MAGI1: variants seen among roughly 807,000 people sequenced by gnomAD.
MAGI1 encodes the protein membrane-associated guanylate kinase, WW and PDZ domain-containing protein 1.
In MAGI1, 58 loss-of-function variants were observed where a neutral mutation model predicts 139.9. That is an observed-to-expected ratio of 0.41 (90% CI 0.34 to 0.52). The LOEUF (loss-of-function observed/expected upper bound fraction) is 0.52. Ranked by LOEUF, MAGI1 falls within the 20% of genes least tolerant of loss-of-function variation. MAGI1 has a pLI of 0.12. For missense variants in MAGI1, 1,874 were observed against 1,901.6 expected, an observed-to-expected ratio of 0.99 and a Z score of 0.27; for synonymous variants, 812 against 737.9, an observed-to-expected ratio of 1.10 and a Z score of -1.63.
intron 22 of MAGI1, chr3:65,359,501 G>A: frequency 2.9e-6 from 3 of 1,042,418 alleles, no homozygotes; most frequent in Non-Finnish European, 3.5e-6. Flanking sequence ...AACAACAAAA[G>A]AACAAAATCC....
chr3:65,573,289 T>C (rs560294912), intron 2 of MAGI1, among the ~76,000 whole-genome samples: 7 of 151,972 alleles, frequency 4.6e-5, no homozygotes, highest in Admixed American at 6.6e-5. Context: ...GGAACAAAGA[T>C]GCAAAAATTC....
intron 2 of MAGI1, among the ~76,000 whole-genome samples, chr3:65,574,285 GT>G (rs1228278605): frequency 6.7e-6 from 1 of 150,082 alleles, no homozygotes; most frequent in Admixed American, 6.7e-5. Flanking sequence ...TGCCATGGGG[GT>G]TTTCTGTACA....
intron 1 of MAGI1, among the ~76,000 whole-genome samples, chr3:65,669,485 T>C (rs1044668435): frequency 3.3e-5 from 5 of 152,188 alleles, no homozygotes; most frequent in African/African-American, 1.2e-4. Flanking sequence ...CCTTTGGTCC[T>C]CCAGAAAGTC....
At chr3:65,732,074 C>T (rs935948613) in intron 1 of MAGI1, among the ~76,000 whole-genome samples, 1 of 152,088 alleles carries the variant, frequency 6.6e-6, no homozygotes, top group Non-Finnish European at 1.5e-5. Flanking sequence ...ATTCACGTAT[C>T]AATTTAGCAA....
intron 1 of MAGI1, among the ~76,000 whole-genome samples, chr3:65,649,958 C>T (rs1034966092): frequency 2.6e-5 from 4 of 152,114 alleles, no homozygotes; most frequent in African/African-American, 7.2e-5. Flanking sequence ...TCTTAAATAC[C>T]TAAACACAAC....
intron 2 of MAGI1, among the ~76,000 whole-genome samples, chr3:65,550,887 C>G (rs2079795160): frequency 2.0e-5 from 3 of 152,128 alleles, no homozygotes; most frequent in African/African-American, 7.2e-5. Flanking sequence ...GAGAGGATTG[C>G]ATGGGCCTAG....
In MAGI1 at chr3:65,699,893, A is replaced by T. The variant is rs577700896; in HGVS notation, c.314-77805T>A. Among the ~76,000 whole-genome samples the T allele has an allele frequency of 1.1e-3, 170 of 151,678 alleles. 1 individual carries two copies. The highest frequency in any genetic ancestry group is 1.6e-3 in the Non-Finnish European group (112 of 67,940). On this transcript the variant is annotated intron_variant, in intron 1 of 22. Transcript: ENST00000402939. Reference sequence around the variant, plus strand: ...AAAGTATAATAAAAAAATAAAAATTAAAAAAATAAAAAAAAAAAGAAATGC... The same window carrying T: ...AAAGTATAATAAAAAAATAAAAATTTAAAAAATAAAAAAAAAAAGAAATGC...
intron 1 of MAGI1, among the ~76,000 whole-genome samples, chr3:65,679,210 C>T (rs191905109): frequency 6.0e-4 from 91 of 152,288 alleles, no homozygotes; most frequent in Non-Finnish European, 4.0e-4. Context: ...CACACATACG[C>T]TTCATTTTCA....
intron 1 of MAGI1, among the ~76,000 whole-genome samples, chr3:65,811,178 T>C (rs998072556): frequency 6.6e-6 from 1 of 152,202 alleles, no homozygotes; most frequent in Non-Finnish European, 1.5e-5. Context: ...GGCAACTTCA[T>C]AGGATAATCC....
chr3:65,443,491 G>C (rs1453158625), intron 7 of MAGI1, among the ~76,000 whole-genome samples: 1 of 152,148 alleles, frequency 6.6e-6, no homozygotes, highest in Non-Finnish European at 1.5e-5. Flanking sequence ...AAATGTGGTG[G>C]TACAATGGCA....
chr3:65,881,627 CAAAA>C (rs55964561), intron 1 of MAGI1, among the ~76,000 whole-genome samples: 1 of 137,738 alleles, frequency 7.3e-6, no homozygotes, highest in African/African-American at 2.7e-5. Context: ...ACCCCTTCCT[CAAAA>C]AAAAAAAAAG....
At chr3:65,425,832 C>T (rs549002409) in intron 12 of MAGI1, among the ~76,000 whole-genome samples, 2 of 152,208 alleles carry the variant, frequency 1.3e-5, no homozygotes, top group African/African-American at 2.4e-5. Context: ...CAGGTAGTTA[C>T]GCTATCTACA....
chr3:65,767,830 C>T (rs1312472390), intron 1 of MAGI1, among the ~76,000 whole-genome samples: 3 of 152,212 alleles, frequency 2.0e-5, no homozygotes, highest in African/African-American at 7.2e-5. Context: ...ATCACCTCTG[C>T]TTTAACCCTT....
rs535423299 is a variant in MAGI1, at chr3:65,915,576, G to A, written c.313+122420C>T. ...AGACTGGACTGGGAAGAGGAAAAAC[G>A]ATGAATAACACACAGGTGCTTCCTA... On this transcript the variant is annotated intron_variant, in intron 1 of 22. Transcript: ENST00000402939. Among the ~76,000 whole-genome samples, 51 of 152,214 alleles carry A rather than the reference G, an allele frequency of 3.4e-4. 1 individual carries two copies. Among genetic ancestry groups the A allele is most frequent in the Admixed American group, 9.2e-4 (14 of 15,294 alleles).
chr3:65,571,732 T>C (rs1008729804), intron 2 of MAGI1, among the ~76,000 whole-genome samples: 6 of 151,804 alleles, frequency 4.0e-5, no homozygotes, highest in African/African-American at 9.7e-5. Context: ...CACCCATAGG[T>C]GTAGTTGATG....
chr3:65,915,653 G>C (rs1018673973), intron 1 of MAGI1, among the ~76,000 whole-genome samples: 1 of 152,106 alleles, frequency 6.6e-6, no homozygotes. Flanking sequence ...CATCCCTCTG[G>C]GTTATCCAGT....
In MAGI1 at chr3:65,648,316, T is replaced by TGTGCGC. The variant is rs71102873; in HGVS notation, c.314-26229_314-26228insGCGCAC. Among the ~76,000 whole-genome samples, 537 of 143,158 alleles carry TGTGCGC rather than the reference T, an allele frequency of 3.8e-3. 5 individuals carry two copies. The highest frequency in any genetic ancestry group is 0.013 in the African/African-American group (517 of 39,180). 93.9% of individuals were successfully genotyped at this position (143,158 alleles called of 152,430 possible). A position where few individuals can be genotyped will look rare whatever the true frequency, so the allele number is the denominator to read the frequency against. On this transcript the variant is annotated intron_variant, in intron 1 of 22. Transcript: ENST00000402939. The stretch of plus-strand genomic sequence containing the variant: ...GTGTGTGTGTGTGTGTGTGTGTGTG[T>TGTGCGC]GCGCGTGCGCGTGCACACAGACAGG...
intron 1 of MAGI1, among the ~76,000 whole-genome samples, chr3:65,904,462 C>T (rs1437437958): frequency 6.6e-6 from 1 of 152,212 alleles, no homozygotes; most frequent in Non-Finnish European, 1.5e-5. Context: ...AATCCAAAAC[C>T]CTGACCACGG....
intron 15 of MAGI1, 77 bp from the exon 16 acceptor site, chr3:65,382,146 G>A (rs1192924177): frequency 5.7e-6 from 7 of 1,224,962 alleles, no homozygotes; most frequent in Non-Finnish European, 8.1e-6. Flanking sequence ...CACATCTCTG[G>A]GAACAATTCA....
Sources: gnomAD v4.1 joint callset for allele counts (sites outside exome capture counted in the v4.1 genomes callset) on GRCh38, gnomAD v4.1.1 for gene constraint, MANE v1.5 for transcripts, NCBI Gene and HGNC (gene_info 2026-07-23, HGNC 2026-07-21) for gene names.